CSNK2A1: variants seen among roughly 807,000 people sequenced by gnomAD.
The protein encoded by CSNK2A1 is casein kinase II subunit alpha.
A neutral mutation model predicts 62.9 loss-of-function variants in CSNK2A1; 10 were observed. The ratio of observed to expected loss-of-function variants is 0.16; its 90% CI spans 0.10 to 0.27. CSNK2A1 has a LOEUF of 0.27. CSNK2A1 is among the 10% of genes least tolerant of loss of function. The pLI is 1.00. For missense variants in CSNK2A1, 160 were observed against 492.0 expected (o/e 0.33, Z 6.38); for synonymous variants, 124 against 167.8 (o/e 0.74, Z 2.02).
At chr20:493,668 G>A (rs1003448926) in intron 8 of CSNK2A1, among the ~76,000 whole-genome samples, 10 of 152,218 alleles carry the variant, frequency 6.6e-5, no homozygotes, top group Admixed American at 6.5e-5. Context: ...ATGCACGCAT[G>A]TGTTTGTGTG....
chr20:516,015 A>G (rs1414688919), intron 2 of CSNK2A1, among the ~76,000 whole-genome samples: 1 of 152,194 alleles, frequency 6.6e-6, no homozygotes, highest in Non-Finnish European at 1.5e-5. Context: ...ATTCAAATTA[A>G]GAGAATACTG....
intron 7 of CSNK2A1, 23 bp downstream of exon 7, chr20:497,698 T>C (rs373686508): frequency 6.4e-7 from 1 of 1,573,822 alleles, no homozygotes; most frequent in Non-Finnish European, 8.7e-7. Context: ...TTAAAAAATA[T>C]TTAGTATTCA....
At position 505,360 on chromosome 20, in the gene CSNK2A1, T is replaced by TTTG. The variant is rs1555765042; in HGVS notation, c.102-132_102-131insCAA. The TTTG allele has an allele frequency of 7.3e-4, 511 of 699,108 alleles. 7 individuals carry two copies. In the African/African-American group the frequency reaches 9.8e-3, roughly 13 times the overall value. 43.3% of individuals were successfully genotyped at this position (699,108 alleles called of 1,614,324 possible). A position where few individuals can be genotyped will look rare whatever the true frequency, so the allele number is the denominator to read the frequency against. ...AACAATTCCCAAATAGGTTTTTTTTTTTTTTTTTTTTTTTTTGGAGATGGA... is the reference window on the plus strand; with the variant it reads ...AACAATTCCCAAATAGGTTTTTTTTTTTGTTTTTTTTTTTTTTTTGGAGATGGA... On this transcript the variant is annotated intron_variant, in intron 3 of 13. Coordinates refer to ENST00000217244, the MANE Select transcript of CSNK2A1 (RefSeq NM_177559.3).
intron 3 of CSNK2A1, 122 bp from the exon 4 acceptor site, chr20:505,351 G>GTTT (rs746624346): frequency 0.011 from 2,676 of 234,748 alleles, 42 homozygotes; most frequent in African/African-American, 0.037. Flanking sequence ...TCCCAAATAG[G>GTTT]TTTTTTTTTT....
At chr20:513,692 T>A (rs188034610) in intron 2 of CSNK2A1, among the ~76,000 whole-genome samples, 2 of 152,296 alleles carry the variant, frequency 1.3e-5, no homozygotes, top group Admixed American at 1.3e-4. Context: ...GGCCCTGGCA[T>A]CCTCTGTGAG....
intron 12 of CSNK2A1, 67 bp downstream of exon 12, chr20:487,360 G>T: frequency 1.3e-6 from 2 of 1,597,774 alleles, no homozygotes; most frequent in Non-Finnish European, 1.7e-6. Flanking sequence ...CAGGAGCTGG[G>T]ATTACGACTC....
At chr20:493,214 C>G (rs756854658) in intron 8 of CSNK2A1, among the ~76,000 whole-genome samples, 1 of 152,118 alleles carries the variant, frequency 6.6e-6, no homozygotes, top group Non-Finnish European at 1.5e-5. Flanking sequence ...TCCCTCAGAC[C>G]TCACATTTAA....
At chr20:512,390 GTTGTT>G (rs1250910484) in intron 2 of CSNK2A1, among the ~76,000 whole-genome samples, 1 of 152,014 alleles carries the variant, frequency 6.6e-6, no homozygotes, top group East Asian at 1.9e-4. Context: ...TTTTGATTGG[GTTGTT>G]TTGTTTGTTG....
chr20:518,739 T>G (rs2018879769), intron 2 of CSNK2A1, among the ~76,000 whole-genome samples: 1 of 121,634 alleles, frequency 8.2e-6, no homozygotes, highest in African/African-American at 3.1e-5. Context: ...TTTTTTTAAG[T>G]AAAGACGGGG....
At position 477,889 on chromosome 20, in the gene CSNK2A1, A is replaced by AAAAC. The variant is rs1410357918; in HGVS notation, c.*6068_*6071dup. 3 of 152,050 alleles carry AAAAC rather than the reference A, an allele frequency of 2.0e-5. No individual in the cohort carries two copies. The highest frequency in any genetic ancestry group is 7.3e-5 in the African/African-American group (3 of 41,268). The allele number at this position is 152,050 out of a possible 1,614,324, so 9.4% of individuals were successfully genotyped here. ...GTAATCCCATGCCTGTCTCAAAAAC[A>AAAAC]AAACAAACAAACAAAACAAAACAAA... On this transcript the variant is annotated 3_prime_UTR_variant, in exon 14 of 14. Transcript: ENST00000217244.
chr20:477,866 A>G lies in CSNK2A1; in HGVS notation c.*6095T>C, dbSNP rs1341568524. The G allele has an allele frequency of 6.6e-6, 1 of 152,190 alleles. No individual in the cohort carries two copies. Among genetic ancestry groups the G allele is most frequent in the Non-Finnish European group, 1.5e-5 (1 of 68,094 alleles). The allele number at this position is 152,190 out of a possible 1,614,324, so 9.4% of individuals were successfully genotyped here. ...ATTAGCTGGGCGTGGTGGTGCATGT[A>G]ATCCCATGCCTGTCTCAAAAACAAA... On this transcript the variant is annotated 3_prime_UTR_variant, in exon 14 of 14. Transcript: ENST00000217244.
At position 478,552 on chromosome 20, in the gene CSNK2A1, C is replaced by G. The variant is rs1230672369; in HGVS notation, c.*5409G>C. On this transcript the variant is annotated 3_prime_UTR_variant, in exon 14 of 14. Transcript: ENST00000217244. ...CAGAAATACTCAATCCCCCCAGGAA[C>G]TTCTCTAAGAAATGGACTGACCATC... 3.2e-6 allele frequency: 1 copy of G among 312,334 alleles called. No individual in the cohort carries two copies. The allele number at this position is 312,334 out of a possible 1,614,324, so 19.3% of individuals were successfully genotyped here.
Position 505,267 on chromosome 20 carries a change from T to C in CSNK2A1, c.102-38A>G, listed in dbSNP as rs369951874. 9.9e-5 allele frequency: 148 copies of C among 1,492,872 alleles called. No homozygotes were observed. In the Middle Eastern group the frequency reaches 1.5e-3, roughly 16 times the overall value. The allele number at this position is 1,492,872 out of a possible 1,614,324, so 92.5% of individuals were successfully genotyped here. On this transcript the variant is annotated intron_variant, in intron 3 of 13. Transcript: ENST00000217244. ...ACAAAATGACTTATAAACGGTCAAA[T>C]TATCAGCATCAATTCAAATTACAGG...
intron 1 of CSNK2A1, among the ~76,000 whole-genome samples, chr20:530,952 T>G (rs1047875249): frequency 1.3e-5 from 2 of 151,976 alleles, no homozygotes. Flanking sequence ...GGTGTGGTGG[T>G]GGGCACCTGT....
intron 1 of CSNK2A1, among the ~76,000 whole-genome samples, chr20:542,332 A>AT (rs752221883): frequency 1.8e-4 from 28 of 152,188 alleles, no homozygotes; most frequent in Non-Finnish European, 3.8e-4. Context: ...AATGGCCCTG[A>AT]TATTTGAGAA....
chr20:523,834 G>T (rs2019001911), intron 2 of CSNK2A1, among the ~76,000 whole-genome samples: 2 of 144,030 alleles, frequency 1.4e-5, no homozygotes, highest in South Asian at 4.5e-4. Context: ...ACTCCAGCCT[G>T]GGCGACAGAG....
chr20:529,893 T>C (rs993148571), intron 1 of CSNK2A1, among the ~76,000 whole-genome samples: 48 of 152,332 alleles, frequency 3.2e-4, no homozygotes, highest in African/African-American at 9.1e-4. Context: ...AGGCATCCAC[T>C]GGGGATCTTG....
chr20:512,884 A>T (rs2122584469), intron 2 of CSNK2A1, among the ~76,000 whole-genome samples: 1 of 152,334 alleles, frequency 6.6e-6, no homozygotes, highest in South Asian at 2.1e-4. Context: ...ACACACACAA[A>T]CACATCAAAC....
intron 2 of CSNK2A1, among the ~76,000 whole-genome samples, chr20:517,783 T>C (rs928560821): frequency 1.1e-4 from 16 of 152,284 alleles, no homozygotes; most frequent in African/African-American, 3.4e-4. Flanking sequence ...AAACACATCA[T>C]TGGATGCCAC....
Sources: gnomAD v4.1 joint callset for allele counts (sites outside exome capture counted in the v4.1 genomes callset) on GRCh38, gnomAD v4.1.1 for gene constraint, MANE v1.5 for transcripts, NCBI Gene and HGNC (gene_info 2026-07-23, HGNC 2026-07-21) for gene names.